The following SMG1 variants were observed in gnomAD, a reference collection of about 807,000 sequenced individuals.
SMG1 encodes serine/threonine-protein kinase SMG1.
A neutral mutation model predicts 419.9 loss-of-function variants in SMG1; 22 were observed. The ratio of observed to expected loss-of-function variants is 0.05; its 90% CI spans 0.04 to 0.07. The LOEUF is 0.07. Among genes scored for constraint, SMG1 ranks in the 10% least tolerant of loss-of-function variants. SMG1 has a pLI of 1.00. For missense variants in SMG1, 3,185 were observed against 4,342.0 expected, an observed-to-expected ratio of 0.73 and a Z score of 7.49; for synonymous variants, 1,538 against 1,553.5, an observed-to-expected ratio of 0.99 and a Z score of 0.23.
chr16:18,808,920 AGGGAACGAT>A lies in SMG1; in HGVS notation c.*640_*648del, dbSNP rs902612843. 5 of 152,568 alleles carry A rather than the reference AGGGAACGAT, an allele frequency of 3.3e-5. No homozygotes were observed. The highest frequency in any genetic ancestry group is 1.3e-4 in the Admixed American group (2 of 15,258). The allele number at this position is 152,568 out of a possible 1,614,324, so 9.5% of individuals were successfully genotyped here. On this transcript the variant is annotated 3_prime_UTR_variant, in exon 63 of 63. Transcript: ENST00000446231. Reference sequence around the variant, plus strand: ...GAACGGGTAAGTGGTGGGGAGGAGTAGGGAACGATGGGGTGGTTTTTTTCCCTTCATTTC... The same window carrying A: ...GAACGGGTAAGTGGTGGGGAGGAGTAGGGGTGGTTTTTTTCCCTTCATTTC...
chr16:18,812,142 T>G lies in SMG1; in HGVS notation c.10622-15A>C, dbSNP rs771013687. ...ACTCCGGACTGCTACAGAGAAAGAG[T>G]TGGTGGCTCAATTTACATGTAAACA... On this transcript the variant is annotated splice_polypyrimidine_tract_variant and intron_variant, in intron 60 of 62. Coordinates refer to ENST00000446231, the MANE Select transcript of SMG1 (RefSeq NM_015092.5). 5 of 1,604,720 alleles carry G rather than the reference T, an allele frequency of 3.1e-6. No homozygotes were observed. Among genetic ancestry groups the G allele is most frequent in the East Asian group, 4.5e-5 (2 of 44,838 alleles).
chr16:18,892,098 C>G, intron 4 of SMG1, 120 bp downstream of exon 4: 1 of 755,074 alleles, frequency 1.3e-6, no homozygotes, highest in Non-Finnish European at 2.3e-6. Context: ...TATTAGAGAG[C>G]ATTAAGTTCT....
chr16:18,837,467 G>A (rs1488409023), intron 45 of SMG1, 24 bp from the exon 46 acceptor site: 1 of 1,597,836 alleles, frequency 6.3e-7, no homozygotes, highest in Non-Finnish European at 8.5e-7. Context: ...TTACGATTAA[G>A]AAGACTCTTA....
chr16:18,887,762 TAAAAAAAAAAAAAAAAAAAAAAAA>T (rs57393561), intron 6 of SMG1, among the ~76,000 whole-genome samples: 2 of 38,286 alleles, frequency 5.2e-5, no homozygotes, highest in Non-Finnish European at 8.4e-5. Flanking sequence ...TCAAAAACAG[TAAAAAAAAAAAAAAAAAAAAAAAA>T]AAAAAAAAAA....
Position 18,809,576 on chromosome 16 carries a change from C to T in SMG1, c.10979G>A (p.Trp3660Ter). Reference sequence around the variant, plus strand: ...CATCTACTGTCTTGCCATTCACACCCAGGCTGTCCAACCTTCATACAGCTG... The same window carrying T: ...CATCTACTGTCTTGCCATTCACACCTAGGCTGTCCAACCTTCATACAGCTG... ...LAQLYEGWTA[W>*]V Residue 3660 changes from tryptophan to a stop codon, truncating the protein, a stop_gained, in exon 63 of 63, where the codon TGG (tryptophan) becomes TAG (stop). Coordinates refer to ENST00000446231, the MANE Select transcript of SMG1 (RefSeq NM_015092.5). LOFTEE classifies it high-confidence loss of function. 6.2e-7 allele frequency: 1 copy of T among 1,610,892 alleles called. No individual in the cohort carries two copies. Among genetic ancestry groups the T allele is most frequent in the Non-Finnish European group, 8.5e-7 (1 of 1,178,322 alleles).
intron 33 of SMG1, 103 bp downstream of exon 33, chr16:18,851,964 T>C (rs999699902): frequency 5.8e-6 from 7 of 1,200,440 alleles, no homozygotes; most frequent in African/African-American, 3.1e-5. Context: ...ACAACAACAA[T>C]TGGTAAGCCC....
At chr16:18,913,606 T>C (rs1439575034) in intron 1 of SMG1, among the ~76,000 whole-genome samples, 3 of 152,054 alleles carry the variant, frequency 2.0e-5, no homozygotes, top group Non-Finnish European at 4.4e-5. Flanking sequence ...AGGCTATTAA[T>C]ATATTAGATG....
intron 11 of SMG1, chr16:18,878,588 T>C (rs1004906026): frequency 8.0e-6 from 1 of 125,180 alleles, no homozygotes; most frequent in Non-Finnish European, 1.7e-5. Flanking sequence ...ACCAGGGGAA[T>C]ACAGCAAGAT....
Position 18,872,525 on chromosome 16 carries a change from C to G in SMG1, c.1990G>C (p.Val664Leu). Residue 664 changes from valine (V) to leucine (L), a missense_variant, in exon 14 of 63, where the codon GTG becomes CTG. Physicochemically the swap from Val to Leu is conservative, Grantham distance 32 (BLOSUM62 1). Transcript: ENST00000446231. ...CAATGAGAATACAATGTGTAGAGCA[C>G]AGCATACTGAATGGCAGGGAAGTGA... is the stretch of plus-strand genomic sequence containing the variant. ...AVHFPAIQYA[V>L]LYTLYSHCTR... 1 of 1,549,628 alleles carries G rather than the reference C, an allele frequency of 6.5e-7. No homozygotes were observed. The highest frequency in any genetic ancestry group is 1.9e-5 in the Admixed American group (1 of 51,316).
intron 1 of SMG1, among the ~76,000 whole-genome samples, chr16:18,920,552 G>A (rs780935140): frequency 2.0e-5 from 3 of 149,406 alleles, no homozygotes; most frequent in African/African-American, 4.9e-5. Flanking sequence ...AAAAATTAGC[G>A]TGCCAAGCAT....
At chr16:18,918,382 A>T (rs1050594921) in intron 1 of SMG1, among the ~76,000 whole-genome samples, 1 of 152,342 alleles carries the variant, frequency 6.6e-6, no homozygotes, top group African/African-American at 2.4e-5. Context: ...ACTCCTCAGA[A>T]GTACCCAATT....
chr16:18,837,532 T>G, intron 45 of SMG1, 89 bp from the exon 46 acceptor site: 1 of 1,159,140 alleles, frequency 8.6e-7, no homozygotes, highest in Non-Finnish European at 1.2e-6. Flanking sequence ...ACATCCTACT[T>G]AAATCTCTAC....
chr16:18,863,689 C>T lies in SMG1; in HGVS notation c.3656G>A (p.Ser1219Asn), dbSNP rs1160718951. 22 of 1,595,054 alleles carry T rather than the reference C, an allele frequency of 1.4e-5. No individual in the cohort carries two copies. The highest frequency in any genetic ancestry group is 1.9e-5 in the Non-Finnish European group (22 of 1,178,490). ...GTCAGCTTTCAGGTTGAGGGAAGTG[C>T]TACTGGTACTCTTTTTCAAGTCATG... The part of the protein sequence containing the change: ...AIHDLKKSTS[S>N]TSLNLKADFN... Residue 1219 changes from serine to asparagine, a missense_variant, in exon 25 of 63, where the codon AGC (serine) becomes AAC (asparagine). This residue lies in a region of SMG1 where 120 missense variants were observed against 193.3 expected (regional missense o/e 0.62). Transcript: ENST00000446231.
chr16:18,852,956 A>G (rs2034682408), intron 31 of SMG1, among the ~76,000 whole-genome samples: 1 of 152,232 alleles, frequency 6.6e-6, no homozygotes, highest in Non-Finnish European at 1.5e-5. Flanking sequence ...AAGATTTATA[A>G]TGACCACAAG....
chr16:18,898,834 G>A (rs2141867424), intron 1 of SMG1, among the ~76,000 whole-genome samples: 1 of 152,186 alleles, frequency 6.6e-6, no homozygotes, highest in Middle Eastern at 3.4e-3. Flanking sequence ...TGACACAGTA[G>A]TACCATAAGG....
rs140127700 is a variant in SMG1 at position 18,859,723 on chromosome 16, C to A, written c.3806-20G>T. Reference sequence around the variant, plus strand: ...TCATGTCTACCAAAGTTAAATAAAACGTCATTAAGTTCATGTGCTTTTATT... The same window carrying A: ...TCATGTCTACCAAAGTTAAATAAAAAGTCATTAAGTTCATGTGCTTTTATT... On this transcript the variant is annotated intron_variant, in intron 26 of 62. Coordinates refer to ENST00000446231, the MANE Select transcript of SMG1 (RefSeq NM_015092.5). The A allele has an allele frequency of 1.3e-6, 2 of 1,576,296 alleles. No homozygotes were observed. Among genetic ancestry groups the A allele is most frequent in the Non-Finnish European group, 1.7e-6 (2 of 1,161,672 alleles).
intron 61 of SMG1, 30 bp downstream of exon 61, chr16:18,811,918 A>C (rs765242303): frequency 6.2e-7 from 1 of 1,612,766 alleles, no homozygotes; most frequent in East Asian, 2.2e-5. Context: ...TTATATAAAA[A>C]TTTAAGGCAT....
intron 18 of SMG1, among the ~76,000 whole-genome samples, 171 bp downstream of exon 18, chr16:18,870,439 T>C (rs1327067823): frequency 1.3e-5 from 2 of 152,258 alleles, no homozygotes; most frequent in Non-Finnish European, 2.9e-5. Context: ...TTTAATTTTC[T>C]TGCAGACCTG....
Position 18,850,064 on chromosome 16 carries a change from A to G in SMG1, c.5346T>C (p.Asp1782=), listed in dbSNP as rs567306114. ...HLSHRVEQST[D]DMIVMATLRL... ...GCAATGTGGCCATCACAATCATGTC[A>G]TCAGTGCTCTGTTCCACTCTGTGAC... The change falls in exon 35 of 63, where the codon GAT becomes GAC. Residue 1782 remains aspartate (D), a synonymous_variant. Transcript: ENST00000446231. The G allele has an allele frequency of 3.6e-4, 586 of 1,614,008 alleles. 9 individuals carry two copies. The South Asian group carries it at 6.0e-3, about 17-fold the overall frequency.
Sources: gnomAD v4.1 joint callset for allele counts (sites outside exome capture counted in the v4.1 genomes callset) on GRCh38, gnomAD v4.1.1 for gene constraint, gnomAD v4.1.1 regional missense constraint, MANE v1.5 for transcripts, NCBI Gene and HGNC (gene_info 2026-07-23, HGNC 2026-07-21) for gene names.